The following MTMR14 variants were observed in gnomAD, a reference collection of about 807,000 sequenced individuals.
The protein encoded by MTMR14 is phosphatidylinositol-3,5-bisphosphate 3-phosphatase MTMR14.
MTMR14 carries 48 observed loss-of-function variants against 86.3 expected under a neutral mutation model. That is an observed-to-expected ratio of 0.56 (90% confidence interval 0.44 to 0.71). MTMR14 has a LOEUF of 0.71. MTMR14 is among the 30% of genes least tolerant of loss of function. The pLI is 0.00. For synonymous variants in MTMR14, 366 were observed against 326.1 expected (o/e 1.12, Z -1.32); for missense variants, 780 against 834.6 (o/e 0.93, Z 0.81).
intron 13 of MTMR14, among the ~76,000 whole-genome samples, chr3:9,685,817 C>T (rs914444750): frequency 5.3e-5 from 8 of 152,150 alleles, no homozygotes; most frequent in South Asian, 2.1e-4. Flanking sequence ...GGCCACTCTC[C>T]GCAGGCCTTA....
chr3:9,679,916 C>T (rs954075636), intron 9 of MTMR14, among the ~76,000 whole-genome samples: 8 of 152,182 alleles, frequency 5.3e-5, no homozygotes, highest in Non-Finnish European at 1.0e-4. Flanking sequence ...TGTTGCTCAA[C>T]CTGTTTTGTC....
chr3:9,657,736 A>G (rs1471222080), intron 2 of MTMR14, among the ~76,000 whole-genome samples: 1 of 152,020 alleles, frequency 6.6e-6, no homozygotes, highest in Non-Finnish European at 1.5e-5. Context: ...TTTTTAGTAA[A>G]GACGGGGTTT....
intron 3 of MTMR14, among the ~76,000 whole-genome samples, chr3:9,665,662 C>T (rs1327118982): frequency 6.6e-6 from 1 of 151,736 alleles, no homozygotes; most frequent in East Asian, 1.9e-4. Context: ...CTGCTTCCTT[C>T]AAAACTCAGT....
Position 9,701,693 on chromosome 3 carries a change from G to A in MTMR14, c.1770-97G>A. The stretch of plus-strand genomic sequence containing the variant: ...AGACACTGGCCTTGTACAGTCAGAA[G>A]AAGCACAAGGACAGGTGGTATGGAG... On this transcript the variant is annotated intron_variant, in intron 18 of 18. Coordinates refer to ENST00000296003, the MANE Select transcript of MTMR14 (RefSeq NM_001077525.3). This position sits in a 1 kb window ranked among gnomAD's most constrained non-coding sequence, Gnocchi z 4.2. The A allele has an allele frequency of 2.2e-6, 3 of 1,361,824 alleles. No individual in the cohort carries two copies. The highest frequency in any genetic ancestry group is 2.4e-5 in the East Asian group (1 of 42,232). The allele number at this position is 1,361,824 out of a possible 1,614,324, so 84.4% of individuals were successfully genotyped here. A position where few individuals can be genotyped will look rare whatever the true frequency, so the allele number is the denominator to read the frequency against.
At chr3:9,649,776 T>C in intron 1 of MTMR14, 34 bp downstream of exon 1, 1 of 1,611,406 alleles carries the variant, frequency 6.2e-7, no homozygotes, top group South Asian at 1.1e-5. Flanking sequence ...TGGGGAAGGC[T>C]CCTAACTTGG....
chr3:9,651,561 G>A (rs1244238335), intron 1 of MTMR14, among the ~76,000 whole-genome samples: 2 of 152,148 alleles, frequency 1.3e-5, no homozygotes, highest in Non-Finnish European at 1.5e-5. Flanking sequence ...TGCAAACTTA[G>A]ATGTATATAT....
At chr3:9,665,548 G>A (rs2048200600) in intron 3 of MTMR14, among the ~76,000 whole-genome samples, 1 of 152,108 alleles carries the variant, frequency 6.6e-6, no homozygotes, top group Non-Finnish European at 1.5e-5. Flanking sequence ...TTTGGGTGAT[G>A]AGTTAAATAG....
intron 2 of MTMR14, among the ~76,000 whole-genome samples, chr3:9,661,861 C>T (rs1008530168): frequency 2.0e-5 from 3 of 151,560 alleles, no homozygotes; most frequent in South Asian, 4.2e-4. Flanking sequence ...CCGAGGTGGG[C>T]GGATCGCCTG....
At position 9,677,141 on chromosome 3, in the gene MTMR14, G is replaced by GC. The variant is rs2075610779; in HGVS notation, c.752-172dup. On this transcript the variant is annotated intron_variant, in intron 7 of 18. Transcript: ENST00000296003. This position sits in a 1 kb window ranked among gnomAD's most constrained non-coding sequence, Gnocchi z 4.2. ...GAAACCAGAGGGGCTCTAGAGGCTC[G>GC]CCCCTGGCTTTTGCCCACCCGTGTC... Among the ~76,000 whole-genome samples the GC allele has an allele frequency of 6.6e-6, 1 of 151,714 alleles. No homozygotes were observed. The highest frequency in any genetic ancestry group is 2.4e-5 in the African/African-American group (1 of 41,438).
chr3:9,686,998 C>A (rs1469446329), intron 13 of MTMR14, among the ~76,000 whole-genome samples: 1 of 152,236 alleles, frequency 6.6e-6, no homozygotes, highest in Non-Finnish European at 1.5e-5. Flanking sequence ...AAGGGAGGCT[C>A]TAGGCCAGAC....
chr3:9,665,408 G>T (rs1451453576), intron 3 of MTMR14, among the ~76,000 whole-genome samples: 1 of 152,164 alleles, frequency 6.6e-6, no homozygotes, highest in East Asian at 1.9e-4. Flanking sequence ...TTCATAAGTG[G>T]GAGCTAAATA....
chr3:9,663,616 C>T (rs182949174), intron 3 of MTMR14, among the ~76,000 whole-genome samples: 2 of 148,790 alleles, frequency 1.3e-5, no homozygotes, highest in African/African-American at 4.9e-5. Flanking sequence ...CGGGTTCACG[C>T]CATTCTCCTG....
chr3:9,683,522 A>G (rs1165774907), intron 10 of MTMR14: 6 of 418,524 alleles, frequency 1.4e-5, no homozygotes, highest in African/African-American at 4.0e-5. Context: ...GCACAACAGC[A>G]TTGTGTGTGG....
intron 2 of MTMR14, among the ~76,000 whole-genome samples, chr3:9,657,322 C>G (rs984955194): frequency 2.0e-5 from 3 of 152,276 alleles, no homozygotes; most frequent in African/African-American, 7.2e-5. Context: ...CTAACAAGCT[C>G]TCAGGTAATA....
At chr3:9,650,674 TG>T in intron 1 of MTMR14, 1 of 193,762 alleles carries the variant, frequency 5.2e-6, no homozygotes, top group South Asian at 7.5e-5. Context: ...AATGATCATC[TG>T]GGGTACTTTT....
intron 1 of MTMR14, chr3:9,650,231 C>T: frequency 2.3e-6 from 1 of 439,738 alleles, no homozygotes. Context: ...CTTTCCTTCC[C>T]CTATAGAGCA....
chr3:9,684,754 C>A, intron 11 of MTMR14, 84 bp downstream of exon 11: 1 of 1,559,590 alleles, frequency 6.4e-7, no homozygotes, highest in Non-Finnish European at 8.8e-7. Flanking sequence ...CAGGGGATGC[C>A]ATCGCTCAGA....
intron 12 of MTMR14, 78 bp downstream of exon 12, chr3:9,685,042 A>G: frequency 6.6e-7 from 1 of 1,516,852 alleles, no homozygotes. Flanking sequence ...CTCCCTTGAC[A>G]GGGGCTGGAG....
chr3:9,679,044 ATGTTAAGCAAC>A (rs1199406518), intron 9 of MTMR14, among the ~76,000 whole-genome samples: 1 of 152,142 alleles, frequency 6.6e-6, no homozygotes, highest in Non-Finnish European at 1.5e-5. Flanking sequence ...TGACCCATCT[ATGTTAAGCAAC>A]TGGGTGCTCC....
Sources: gnomAD v4.1 joint callset for allele counts (sites outside exome capture counted in the v4.1 genomes callset) on GRCh38, gnomAD v4.1.1 for gene constraint, Gnocchi (gnomAD v3.1) non-coding constraint, MANE v1.5 for transcripts, NCBI Gene and HGNC (gene_info 2026-07-23, HGNC 2026-07-21) for gene names.